PLCB1: variants seen among roughly 807,000 people sequenced by gnomAD.
PLCB1 encodes 1-phosphatidylinositol 4,5-bisphosphate phosphodiesterase beta-1.
Under a neutral mutation model 161.8 loss-of-function variants are expected in PLCB1, and 46 were observed. The ratio of observed to expected loss-of-function variants is 0.28; its 90% CI spans 0.22 to 0.36. The LOEUF (loss-of-function observed/expected upper bound fraction) is 0.36, where lower values mean the gene tolerates loss of function less well. Ranked by LOEUF, PLCB1 falls within the 10% of genes least tolerant of loss-of-function variation. The pLI, the probability that PLCB1 is intolerant of heterozygous loss-of-function variation, is 1.00. For missense variants in PLCB1, 1,016 were observed against 1,472.5 expected (o/e 0.69, Z 5.07); for synonymous variants, 517 against 503.7 (o/e 1.03, Z -0.35).
intron 9 of PLCB1, among the ~76,000 whole-genome samples, chr20:8,667,410 A>G (rs1486442076): frequency 6.6e-6 from 1 of 152,216 alleles, no homozygotes; most frequent in Non-Finnish European, 1.5e-5. Context: ...AAGAATGAAA[A>G]AAAAATTTTT....
intron 2 of PLCB1, among the ~76,000 whole-genome samples, chr20:8,166,491 A>G (rs1288439749): frequency 2.0e-5 from 3 of 152,104 alleles, no homozygotes; most frequent in Non-Finnish European, 4.4e-5. Flanking sequence ...CTCTACTCAC[A>G]TGTTAGGGAA....
intron 1 of PLCB1, among the ~76,000 whole-genome samples, chr20:8,148,034 G>A (rs1310412708): frequency 2.0e-5 from 3 of 151,988 alleles, no homozygotes; most frequent in Non-Finnish European, 4.4e-5. Context: ...ATATTTGATT[G>A]TATGGGATCC....
intron 2 of PLCB1, among the ~76,000 whole-genome samples, chr20:8,182,234 A>G (rs2051851766): frequency 6.6e-6 from 1 of 152,212 alleles, no homozygotes; most frequent in South Asian, 2.1e-4. Context: ...GGTAGCTCTA[A>G]TATTCCCTTT....
intron 24 of PLCB1, among the ~76,000 whole-genome samples, chr20:8,757,433 A>G (rs1981796161): frequency 6.6e-6 from 1 of 152,224 alleles, no homozygotes; most frequent in Non-Finnish European, 1.5e-5. Flanking sequence ...TTTTTCAGTG[A>G]TGAGTTATGA....
chr20:8,705,744 A>G (rs1978634449), intron 11 of PLCB1, among the ~76,000 whole-genome samples: 1 of 152,236 alleles, frequency 6.6e-6, no homozygotes, highest in South Asian at 2.1e-4. Flanking sequence ...AAGGAAAAGC[A>G]ACAAGATCAA....
chr20:8,696,633 TG>T (rs1486972927), intron 10 of PLCB1, among the ~76,000 whole-genome samples: 9 of 152,202 alleles, frequency 5.9e-5, no homozygotes, highest in African/African-American at 2.2e-4. Flanking sequence ...GAACATGAGA[TG>T]TATTTCCATT....
At chr20:8,629,608 A>T (rs6039209) in intron 4 of PLCB1, among the ~76,000 whole-genome samples, 57,746 of 152,072 alleles carry the variant, frequency 0.38, 11,346 homozygotes, top group African/African-American at 0.46. Context: ...AATCTAAGAA[A>T]ACTTTGAGTT....
intron 3 of PLCB1, among the ~76,000 whole-genome samples, chr20:8,520,423 A>G (rs1264311981): frequency 6.6e-6 from 1 of 152,158 alleles, no homozygotes; most frequent in Non-Finnish European, 1.5e-5. Context: ...CCAGTTAACC[A>G]TGGCCAACTG....
At chr20:8,786,757 G>A (rs1983506754) in intron 27 of PLCB1, among the ~76,000 whole-genome samples, 1 of 150,620 alleles carries the variant, frequency 6.6e-6, no homozygotes, top group Non-Finnish European at 1.5e-5. Flanking sequence ...TTGCTGGAGT[G>A]CAGTGGTGCA....
In PLCB1 at chr20:8,132,616, G is replaced by T. The variant is rs749173221; in HGVS notation, c.-36G>T. 1.3e-6 allele frequency: 2 copies of T among 1,498,528 alleles called. No homozygotes were observed. Among genetic ancestry groups the T allele is most frequent in the South Asian group, 2.4e-5 (2 of 85,032 alleles). The allele number at this position is 1,498,528 out of a possible 1,614,324, so 92.8% of individuals were successfully genotyped here. A position where few individuals can be genotyped will look rare whatever the true frequency, so the allele number is the denominator to read the frequency against. The stretch of plus-strand genomic sequence containing the variant: ...GCGCACGGTCCCCAGTCCCTGCCGC[G>T]CTCGCCCGGGCCGCCCGGAGCCCAG... On this transcript the variant is annotated 5_prime_UTR_variant, in exon 1 of 32. Coordinates refer to ENST00000338037, the MANE Select transcript of PLCB1 (RefSeq NM_015192.4). The surrounding 1 kb of genome is among the most constrained non-coding windows in gnomAD (Gnocchi z 5.2).
intron 2 of PLCB1, among the ~76,000 whole-genome samples, chr20:8,209,193 T>C (rs1413524039): frequency 1.4e-5 from 2 of 147,582 alleles, no homozygotes; most frequent in Admixed American, 6.7e-5. Flanking sequence ...GAAAAGAAAC[T>C]GTTTTTTGTT....
chr20:8,490,018 G>A (rs1982879424), intron 3 of PLCB1, among the ~76,000 whole-genome samples: 1 of 152,114 alleles, frequency 6.6e-6, no homozygotes, highest in African/African-American at 2.4e-5. Flanking sequence ...AGGAATCCAG[G>A]TAGAATACAA....
Position 8,772,066 on chromosome 20 carries a change from T to C in PLCB1, c.2931-2473T>C, listed in dbSNP as rs796642653. Reference sequence around the variant, plus strand: ...GGTTAATTTTTTTTTTTTTTTTTTTTTTAGAGGTGGGGTCTCACTACCCAG... The same window carrying C: ...GGTTAATTTTTTTTTTTTTTTTTTTCTTAGAGGTGGGGTCTCACTACCCAG... On this transcript the variant is annotated intron_variant, in intron 26 of 31. Transcript: ENST00000338037. Among the ~76,000 whole-genome samples the C allele has an allele frequency of 2.9e-3, 431 of 150,910 alleles. 3 individuals carry two copies. Among genetic ancestry groups the C allele is most frequent in the African/African-American group, 9.2e-3 (378 of 40,984 alleles).
chr20:8,386,792 T>A (rs914897355), intron 3 of PLCB1, among the ~76,000 whole-genome samples: 1 of 152,242 alleles, frequency 6.6e-6, no homozygotes, highest in Admixed American at 6.5e-5. Context: ...TCATCAATGA[T>A]CTCAGCTAGA....
intron 2 of PLCB1, among the ~76,000 whole-genome samples, chr20:8,285,672 A>T (rs1983085186): frequency 6.6e-6 from 1 of 152,100 alleles, no homozygotes; most frequent in African/African-American, 2.4e-5. Context: ...TACCCACGGC[A>T]TTATTGAAAT....
intron 18 of PLCB1, among the ~76,000 whole-genome samples, chr20:8,731,100 G>A (rs1444276806): frequency 6.6e-6 from 1 of 151,284 alleles, no homozygotes; most frequent in Non-Finnish European, 1.5e-5. Flanking sequence ...TATTCAGTAG[G>A]AAGTTCAACA....
At chr20:8,650,491 G>C (rs911080393) in intron 7 of PLCB1, among the ~76,000 whole-genome samples, 2 of 152,174 alleles carry the variant, frequency 1.3e-5, no homozygotes, top group African/African-American at 4.8e-5. Context: ...CTGCTACTCT[G>C]AGCACACTGC....
At chr20:8,857,294 C>CA (rs1429646227) in intron 31 of PLCB1, among the ~76,000 whole-genome samples, 3 of 152,110 alleles carry the variant, frequency 2.0e-5, no homozygotes, top group Non-Finnish European at 4.4e-5. Flanking sequence ...TTTGAAAACT[C>CA]AATCTACCAC....
At chr20:8,766,061 A>T (rs1982299767) in intron 26 of PLCB1, among the ~76,000 whole-genome samples, 1 of 152,100 alleles carries the variant, frequency 6.6e-6, no homozygotes, top group Non-Finnish European at 1.5e-5. Context: ...AGGTGACTCT[A>T]ATTTGGGCCT....
Sources: allele counts gnomAD v4.1 joint callset (sites outside exome capture counted in the v4.1 genomes callset), GRCh38; gene constraint gnomAD v4.1.1; non-coding constraint Gnocchi (gnomAD v3.1); transcripts MANE v1.5; gene names NCBI Gene and HGNC (gene_info 2026-07-23, HGNC 2026-07-21).